The following CEP112 variants were observed in gnomAD, a reference collection of about 807,000 sequenced individuals.
CEP112 encodes centrosomal protein 112.
CEP112 carries 127 observed loss-of-function variants against 153.0 expected under a neutral mutation model. The observed-to-expected ratio is 0.83, with a 90% CI of 0.72 to 0.96. The LOEUF (loss-of-function observed/expected upper bound fraction) is 0.96. CEP112 is among the 40% of genes least tolerant of loss of function. The pLI is 0.00. For synonymous variants in CEP112, 358 were observed against 374.4 expected (o/e 0.96, Z 0.51); for missense variants, 1,089 against 1,101.2 (o/e 0.99, Z 0.16).
chr17:66,135,962 C>T (rs2146572830), intron 4 of CEP112, among the ~76,000 whole-genome samples: 1 of 152,238 alleles, frequency 6.6e-6, no homozygotes, highest in Non-Finnish European at 1.5e-5. Flanking sequence ...GACTCTCCTT[C>T]TCTCAATGGA....
At chr17:65,846,380 T>G (rs556174453) in intron 21 of CEP112, among the ~76,000 whole-genome samples, 2 of 152,258 alleles carry the variant, frequency 1.3e-5, no homozygotes, top group African/African-American at 4.8e-5. Flanking sequence ...ACTTATTAAG[T>G]GATATGAAGG....
At chr17:65,783,908 T>C (rs1334692375) in intron 21 of CEP112, among the ~76,000 whole-genome samples, 1 of 152,226 alleles carries the variant, frequency 6.6e-6, no homozygotes, top group Non-Finnish European at 1.5e-5. Flanking sequence ...GTTAACAGCA[T>C]GGGCTATGAA....
chr17:65,654,056 CAAAAAAAAA>C (rs773433478), intron 24 of CEP112, among the ~76,000 whole-genome samples: 4 of 26,872 alleles, frequency 1.5e-4, no homozygotes, highest in African/African-American at 6.4e-4. Flanking sequence ...AAGACTCCAT[CAAAAAAAAA>C]AAAAAAAAAA....
chr17:66,191,562 G>A lies in CEP112; in HGVS notation c.-9+435C>T, dbSNP rs915125244. 96 of 152,830 alleles carry A rather than the reference G, an allele frequency of 6.3e-4. No individual in the cohort carries two copies. The highest frequency in any genetic ancestry group is 2.2e-3 in the African/African-American group (92 of 41,576). 9.5% of individuals were successfully genotyped at this position (152,830 alleles called of 1,614,324 possible). The stretch of plus-strand genomic sequence containing the variant: ...CCGCAAATCCAGCTGATTGTTCTGA[G>A]ACTCTTTTCTGGGACGGAATTGAAA... On this transcript the variant is annotated intron_variant, in intron 1 of 26. Coordinates refer to ENST00000535342, the MANE Select transcript of CEP112 (RefSeq NM_001199165.4). This position sits in a 1 kb window ranked among gnomAD's most constrained non-coding sequence, Gnocchi z 4.2.
chr17:65,965,053 C>CA (rs1325767476), intron 17 of CEP112, among the ~76,000 whole-genome samples: 1 of 152,136 alleles, frequency 6.6e-6, no homozygotes, highest in Non-Finnish European at 1.5e-5. Flanking sequence ...TGTTGAAAGT[C>CA]AGTTTTTTAT....
At position 65,640,154 on chromosome 17, in the gene CEP112, ATT is replaced by A. The variant is rs529025836; in HGVS notation, c.2799+808_2799+809del. 4.4e-3 allele frequency among the ~76,000 whole-genome samples: 347 copies of A among 78,342 alleles called. 1 individual carries two copies. Among genetic ancestry groups the A allele is most frequent in the African/African-American group, 0.015 (217 of 14,222 alleles). 51.4% of individuals were successfully genotyped at this position (78,342 alleles called of 152,430 possible). On this transcript the variant is annotated intron_variant, in intron 25 of 26. Transcript: ENST00000535342. ...CACCCGACCATATATATATATATAT[ATT>A]TTTTTTTTTTTTTTTTTGAGACAGT...
chr17:66,104,492 T>G (rs12602270), intron 6 of CEP112, among the ~76,000 whole-genome samples: 1 of 152,084 alleles, frequency 6.6e-6, no homozygotes, highest in South Asian at 2.1e-4. Context: ...AGTACTTGCG[T>G]GGGCCTGGGG....
At chr17:66,151,255 C>T (rs2071198361) in intron 4 of CEP112, among the ~76,000 whole-genome samples, 1 of 152,064 alleles carries the variant, frequency 6.6e-6, no homozygotes, top group African/African-American at 2.4e-5. Flanking sequence ...CTTCTTTGCT[C>T]CTCGTTTTTC....
chr17:65,841,069 G>T (rs2057498677), intron 21 of CEP112, among the ~76,000 whole-genome samples: 1 of 151,990 alleles, frequency 6.6e-6, no homozygotes, highest in South Asian at 2.1e-4. Context: ...AATTAGTATA[G>T]TCACTATAGA....
chr17:65,852,974 A>C (rs2058017455), intron 20 of CEP112, among the ~76,000 whole-genome samples: 1 of 152,142 alleles, frequency 6.6e-6, no homozygotes, highest in South Asian at 2.1e-4. Context: ...CGTTTAGTTC[A>C]AAATACTTTT....
chr17:65,835,132 A>G (rs1458124744), intron 21 of CEP112, among the ~76,000 whole-genome samples: 3 of 151,628 alleles, frequency 2.0e-5, no homozygotes, highest in African/African-American at 7.3e-5. Context: ...TGTAAGTAGT[A>G]GCTAAATGAT....
chr17:65,690,662 A>G (rs916467822), intron 23 of CEP112, among the ~76,000 whole-genome samples: 1 of 152,140 alleles, frequency 6.6e-6, no homozygotes, highest in Non-Finnish European at 1.5e-5. Context: ...AGAGCAAGTC[A>G]CATGTAAATT....
At chr17:65,882,226 C>T (rs144443788) in intron 20 of CEP112, among the ~76,000 whole-genome samples, 10 of 152,220 alleles carry the variant, frequency 6.6e-5, no homozygotes, top group South Asian at 2.1e-4. Context: ...TCCTTCTTCA[C>T]GGTTGATCTC....
rs762877062 is a variant in CEP112, at chr17:66,063,035, T to C, written c.1002A>G (p.Glu334=). Residue 334 remains glutamate (E), a synonymous_variant, in exon 11 of 27, where the codon GAA becomes GAG. Coordinates refer to ENST00000535342, the MANE Select transcript of CEP112 (RefSeq NM_001199165.4). The stretch of plus-strand genomic sequence containing the variant: ...TCTTTTTCAGCTCTGCAATCTGGTC[T>C]TCTTTAGTCTCTCTGATAACTTGAC... ...RDCQVIRETK[E]DQIAELKKIC... is the part of the protein sequence containing the mutation. 1.5e-5 allele frequency: 24 copies of C among 1,598,044 alleles called. 1 individual carries two copies. The South Asian group carries it at 2.6e-4, about 18-fold the overall frequency.
At chr17:65,711,051 C>T (rs1225370284) in intron 23 of CEP112, among the ~76,000 whole-genome samples, 1 of 152,198 alleles carries the variant, frequency 6.6e-6, no homozygotes, top group African/African-American at 2.4e-5. Flanking sequence ...GGGTGGCGAA[C>T]TGGAGCTTCA....
At chr17:65,795,355 T>C (rs867493176) in intron 21 of CEP112, among the ~76,000 whole-genome samples, 12 of 152,304 alleles carry the variant, frequency 7.9e-5, no homozygotes, top group Admixed American at 4.6e-4. Flanking sequence ...ATTACAATTC[T>C]ACAGGAGAGG....
chr17:65,760,981 G>C (rs940688237), intron 21 of CEP112, among the ~76,000 whole-genome samples: 2 of 152,072 alleles, frequency 1.3e-5, no homozygotes, highest in Non-Finnish European at 2.9e-5. Context: ...AGTTTTGGCA[G>C]ATTGTGTTTT....
intron 17 of CEP112, among the ~76,000 whole-genome samples, chr17:65,995,124 G>C (rs374114170): frequency 7.0e-5 from 10 of 142,354 alleles, no homozygotes; most frequent in East Asian, 2.3e-4. Flanking sequence ...ATGTTGTTAG[G>C]GATTAAAAGA....
intron 17 of CEP112, among the ~76,000 whole-genome samples, chr17:65,990,943 C>T (rs113247946): frequency 1.4e-4 from 21 of 152,288 alleles, no homozygotes; most frequent in African/African-American, 2.9e-4. Flanking sequence ...CCTGTCACAG[C>T]GGAGATCTGG....
Sources: gnomAD v4.1 joint callset for allele counts (sites outside exome capture counted in the v4.1 genomes callset) on GRCh38, gnomAD v4.1.1 for gene constraint, Gnocchi (gnomAD v3.1) non-coding constraint, MANE v1.5 for transcripts, NCBI Gene and HGNC (gene_info 2026-07-23, HGNC 2026-07-21) for gene names.